Variants in ATG5 observed in about 807,000 individuals in gnomAD.
ATG5 encodes autophagy protein 5.
ATG5 carries 14 observed loss-of-function variants against 36.5 expected under a neutral mutation model. The observed-to-expected ratio is 0.38, with a 90% CI of 0.25 to 0.60. The LOEUF (loss-of-function observed/expected upper bound fraction) is 0.60, where lower values mean the gene tolerates loss of function less well. ATG5 is among the 20% of genes least tolerant of loss of function. The pLI is 0.60. For synonymous variants in ATG5, 95 were observed against 101.5 expected (o/e 0.94, Z 0.38); for missense variants, 195 against 326.7 (o/e 0.60, Z 3.11).
Position 106,266,823 on chromosome 6 carries a change from A to G in ATG5, c.478+12838T>C, listed in dbSNP as rs1388333150. On this transcript the variant is annotated intron_variant, in intron 5 of 7. Coordinates refer to ENST00000369076, the MANE Select transcript of ATG5 (RefSeq NM_004849.4). ...ACATCCCTTCATGCTAAAAACTCTC[A>G]ATAAGCTAGGTATTGATGGAACATA... Among the ~76,000 whole-genome samples, 4 of 152,206 alleles carry G rather than the reference A, an allele frequency of 2.6e-5. No individual in the cohort carries two copies. In the East Asian group the frequency reaches 7.7e-4, roughly 29 times the overall value.
chr6:106,262,714 G>A (rs1779073483), intron 5 of ATG5, among the ~76,000 whole-genome samples: 1 of 152,156 alleles, frequency 6.6e-6, no homozygotes, highest in Admixed American at 6.5e-5. Flanking sequence ...AGGGTGACCA[G>A]AAGCAGGGTG....
intron 1 of ATG5, among the ~76,000 whole-genome samples, chr6:106,321,843 C>G (rs1333972769): frequency 6.6e-6 from 1 of 152,112 alleles, no homozygotes; most frequent in Non-Finnish European, 1.5e-5. Flanking sequence ...AAAATTTAGT[C>G]ATAAGTACCT....
intron 1 of ATG5, among the ~76,000 whole-genome samples, chr6:106,319,272 A>T (rs1770974925): frequency 6.6e-6 from 1 of 152,224 alleles, no homozygotes; most frequent in Non-Finnish European, 1.5e-5. Context: ...TCAACATTTA[A>T]AGACTTCAAA....
chr6:106,224,836 G>T lies in ATG5; in HGVS notation c.574-22747C>A, dbSNP rs1464919207. On this transcript the variant is annotated intron_variant, in intron 6 of 7. Transcript: ENST00000369076. The stretch of plus-strand genomic sequence containing the variant: ...GCGGAGGTTGCAGTGAGCTGAGATC[G>T]CACCATTGCACTCCAGGCTGGGCAA... Among the ~76,000 whole-genome samples the T allele has an allele frequency of 2.6e-5, 4 of 152,156 alleles. No homozygotes were observed. In the East Asian group the frequency reaches 5.8e-4, roughly 22 times the overall value.
chr6:106,204,866 ATTC>A (rs1218371977), intron 6 of ATG5, among the ~76,000 whole-genome samples: 2 of 152,212 alleles, frequency 1.3e-5, no homozygotes, highest in African/African-American at 4.8e-5. Flanking sequence ...AGACTAATAC[ATTC>A]TTCAATTTAA....
chr6:106,237,744 T>C (rs888012680), intron 6 of ATG5, among the ~76,000 whole-genome samples: 2 of 152,218 alleles, frequency 1.3e-5, no homozygotes, highest in East Asian at 1.9e-4. Context: ...ATGAACATTA[T>C]AGTACATCAT....
chr6:106,195,552 A>T (rs1217820089), intron 7 of ATG5, among the ~76,000 whole-genome samples: 1 of 152,172 alleles, frequency 6.6e-6, no homozygotes, highest in Middle Eastern at 3.2e-3. Context: ...GTTTTTTTCT[A>T]AAGAAAAGAT....
intron 3 of ATG5, among the ~76,000 whole-genome samples, chr6:106,307,493 A>G (rs1324603498): frequency 4.6e-5 from 7 of 150,646 alleles, no homozygotes; most frequent in African/African-American, 1.7e-4. Context: ...AAACATCATT[A>G]GTACATGGAT....
chr6:106,293,237 A>T lies in ATG5; in HGVS notation c.237-131T>A, dbSNP rs1246587256. The stretch of plus-strand genomic sequence containing the variant: ...TAATCACAAATCACAGGAAGACTAC[A>T]TTCTACAGTTACGTGCCTAGGCTAG... On this transcript the variant is annotated intron_variant, in intron 3 of 7. Coordinates refer to ENST00000369076, the MANE Select transcript of ATG5 (RefSeq NM_004849.4). The T allele has an allele frequency of 1.2e-5, 9 of 727,096 alleles. No homozygotes were observed. The East Asian group carries it at 2.5e-4, about 20-fold the overall frequency. The allele number at this position is 727,096 out of a possible 1,614,324, so 45.0% of individuals were successfully genotyped here. A position where few individuals can be genotyped will look rare whatever the true frequency, so the allele number is the denominator to read the frequency against.
chr6:106,288,259 T>C (rs1190875072), intron 4 of ATG5, among the ~76,000 whole-genome samples: 2 of 152,092 alleles, frequency 1.3e-5, no homozygotes, highest in Admixed American at 6.5e-5. Flanking sequence ...CATGAGTCAC[T>C]GCCCTGCCGC....
chr6:106,247,526 T>C (rs1275109175), intron 6 of ATG5, among the ~76,000 whole-genome samples: 2 of 152,196 alleles, frequency 1.3e-5, no homozygotes, highest in African/African-American at 4.8e-5. Flanking sequence ...TTCTGTTCTA[T>C]AAGGTTACCA....
chr6:106,296,898 C>CT (rs1308608846), intron 3 of ATG5, among the ~76,000 whole-genome samples: 2 of 152,196 alleles, frequency 1.3e-5, no homozygotes, highest in Non-Finnish European at 1.5e-5. Context: ...TTCCAAGTTT[C>CT]TCATTTTCTA....
chr6:106,199,866 G>A (rs1776349862), intron 7 of ATG5, among the ~76,000 whole-genome samples: 1 of 152,174 alleles, frequency 6.6e-6, no homozygotes, highest in Non-Finnish European at 1.5e-5. Flanking sequence ...TAGCACTAGA[G>A]ATACATGGAT....
chr6:106,203,655 T>G (rs571626546), intron 6 of ATG5, among the ~76,000 whole-genome samples: 39 of 152,320 alleles, frequency 2.6e-4, no homozygotes, highest in African/African-American at 9.1e-4. Context: ...TCACCCAGGT[T>G]GAATTGCAGT....
rs369519520 is a variant in ATG5 at position 106,199,156 on chromosome 6, C to T, written c.691+2816G>A. Reference sequence around the variant, plus strand: ...ATGGTACAGCCACTTTGGGAAAGCTCAGTAGTTTCTTTTAAAATAAAAAAT... The same window carrying T: ...ATGGTACAGCCACTTTGGGAAAGCTTAGTAGTTTCTTTTAAAATAAAAAAT... On this transcript the variant is annotated intron_variant, in intron 7 of 7. Transcript: ENST00000369076. 3.5e-4 allele frequency among the ~76,000 whole-genome samples: 54 copies of T among 152,318 alleles called. 1 individual carries two copies. The highest frequency in any genetic ancestry group is 1.3e-3 in the African/African-American group (54 of 41,580).
At chr6:106,243,536 A>G (rs1178189550) in intron 6 of ATG5, among the ~76,000 whole-genome samples, 1 of 149,704 alleles carries the variant, frequency 6.7e-6, no homozygotes. Context: ...TGGGGAAAAA[A>G]AAAAAAAAAA....
chr6:106,197,516 T>G (rs1776243404), intron 7 of ATG5, among the ~76,000 whole-genome samples: 1 of 138,172 alleles, frequency 7.2e-6, no homozygotes. Flanking sequence ...ATGGGAGGTA[T>G]TTGGGTTGGG....
chr6:106,214,144 T>C (rs1776952037), intron 6 of ATG5, among the ~76,000 whole-genome samples: 3 of 152,332 alleles, frequency 2.0e-5, no homozygotes, highest in Admixed American at 2.0e-4. Context: ...GATATATTCA[T>C]GCATATCAAA....
At chr6:106,290,365 G>C (rs1302084017) in intron 4 of ATG5, among the ~76,000 whole-genome samples, 1 of 151,516 alleles carries the variant, frequency 6.6e-6, no homozygotes, top group East Asian at 1.9e-4. Flanking sequence ...CTGTCACCCA[G>C]GATGAAGTGC....
Sources: allele counts gnomAD v4.1 joint callset (sites outside exome capture counted in the v4.1 genomes callset), GRCh38; gene constraint gnomAD v4.1.1; transcripts MANE v1.5; gene names NCBI Gene and HGNC (gene_info 2026-07-23, HGNC 2026-07-21).